PAPPA: variants seen among roughly 807,000 people sequenced by gnomAD.
PAPPA encodes the protein pappalysin 1, also known as pappalysin-1.
Under a neutral mutation model 164.0 loss-of-function variants are expected in PAPPA, and 60 were observed. The ratio of observed to expected loss-of-function variants is 0.37; its 90% confidence interval spans 0.30 to 0.45. PAPPA has a LOEUF of 0.45. Ranked by LOEUF, PAPPA falls within the 20% of genes least tolerant of loss-of-function variation. The pLI, the probability that PAPPA is intolerant of heterozygous loss-of-function variation, is 1.00. For synonymous variants in PAPPA, 875 were observed against 814.1 expected (o/e 1.07, Z -1.27); for missense variants, 1,782 against 2,087.3 (o/e 0.85, Z 2.85).
chr9:116,266,126 T>A (rs752449827), intron 8 of PAPPA, 141 bp downstream of exon 8: 5 of 651,940 alleles, frequency 7.7e-6, no homozygotes, highest in Non-Finnish European at 1.2e-5. Context: ...AGTCTCTGGA[T>A]TGGTCTCCAA....
At chr9:116,317,513 G>A (rs1387676129) in intron 10 of PAPPA, among the ~76,000 whole-genome samples, 1 of 152,210 alleles carries the variant, frequency 6.6e-6, no homozygotes, top group Non-Finnish European at 1.5e-5. Flanking sequence ...AGCAGAGAAA[G>A]CATTTGGATT....
rs190298354 is a variant in PAPPA, at chr9:116,389,322, G to A, written c.4776+6829G>A. ...TAATTTTTGTATTTTTAGTAGAGAC[G>A]GGGTTTCACCATATTGCTCAGGCTG... On this transcript the variant is annotated intron_variant, in intron 21 of 21. Coordinates refer to ENST00000328252, the MANE Select transcript of PAPPA (RefSeq NM_002581.5). Among the ~76,000 whole-genome samples, 202 of 151,994 alleles carry A rather than the reference G, an allele frequency of 1.3e-3. 1 individual carries two copies. The highest frequency in any genetic ancestry group is 4.8e-3 in the African/African-American group (199 of 41,470).
chr9:116,351,109 C>A (rs966398610), intron 15 of PAPPA, among the ~76,000 whole-genome samples: 3 of 152,178 alleles, frequency 2.0e-5, no homozygotes, highest in African/African-American at 7.2e-5. Context: ...TTCTGGCACA[C>A]TAAATAATAT....
chr9:116,201,311 TC>T (rs1844168480), intron 2 of PAPPA, among the ~76,000 whole-genome samples: 1 of 152,206 alleles, frequency 6.6e-6, no homozygotes, highest in African/African-American at 2.4e-5. Flanking sequence ...TTTCAAATGG[TC>T]TGGTGTGTTC....
chr9:116,315,247 C>A (rs1845773448), intron 10 of PAPPA, among the ~76,000 whole-genome samples: 1 of 152,166 alleles, frequency 6.6e-6, no homozygotes, highest in African/African-American at 2.4e-5. Context: ...ATAAGTGCTA[C>A]TGTGTGAATT....
At chr9:116,155,733 A>T (rs1828122828) in intron 1 of PAPPA, among the ~76,000 whole-genome samples, 1 of 152,046 alleles carries the variant, frequency 6.6e-6, no homozygotes, top group Non-Finnish European at 1.5e-5. Flanking sequence ...ACTTTCACAG[A>T]TGTAGCACTG....
intron 21 of PAPPA, among the ~76,000 whole-genome samples, chr9:116,388,101 T>A (rs1846840194): frequency 6.6e-6 from 1 of 152,128 alleles, no homozygotes; most frequent in South Asian, 2.1e-4. Context: ...AGACACCAGC[T>A]GTTCCCCACA....
intron 7 of PAPPA, among the ~76,000 whole-genome samples, chr9:116,261,068 C>T (rs1291611693): frequency 1.3e-5 from 2 of 152,158 alleles, no homozygotes; most frequent in Admixed American, 1.3e-4. Context: ...CGGCAAGTAG[C>T]TTAATCTTCC....
chr9:116,189,778 T>C (rs1844019717), intron 2 of PAPPA, among the ~76,000 whole-genome samples: 1 of 152,234 alleles, frequency 6.6e-6, no homozygotes, highest in Non-Finnish European at 1.5e-5. Context: ...TGCCGACCTC[T>C]GCAGGTTTTC....
intron 7 of PAPPA, among the ~76,000 whole-genome samples, chr9:116,255,901 A>G (rs754491924): frequency 6.6e-6 from 1 of 151,862 alleles, no homozygotes; most frequent in Non-Finnish European, 1.5e-5. Flanking sequence ...ATCTTTGCCT[A>G]GGATCTAAGT....
chr9:116,320,704 C>T (rs1195977794), intron 10 of PAPPA, among the ~76,000 whole-genome samples: 1 of 152,036 alleles, frequency 6.6e-6, no homozygotes, highest in Admixed American at 6.6e-5. Context: ...TCTCTTTTTT[C>T]TGCCATTGCT....
chr9:116,219,353 C>T (rs1844414110), intron 4 of PAPPA, among the ~76,000 whole-genome samples: 1 of 152,206 alleles, frequency 6.6e-6, no homozygotes, highest in African/African-American at 2.4e-5. Flanking sequence ...TTTCCATGCC[C>T]TTGGGCACAG....
rs62574259 is a variant in PAPPA, at chr9:116,291,599, G to A, written c.2954-11158G>A. 2.0e-4 allele frequency among the ~76,000 whole-genome samples: 30 copies of A among 151,956 alleles called. No individual in the cohort carries two copies. In the East Asian group the frequency reaches 2.7e-3, roughly 14 times the overall value. On this transcript the variant is annotated intron_variant, in intron 9 of 21. Coordinates refer to ENST00000328252, the MANE Select transcript of PAPPA (RefSeq NM_002581.5). ...GAGATTGACACTATCCTAAGTATTC[G>A]GGATATTAATTAAAGTAAGACAAGG...
At chr9:116,301,451 G>T (rs549548273) in intron 9 of PAPPA, among the ~76,000 whole-genome samples, 1 of 152,316 alleles carries the variant, frequency 6.6e-6, no homozygotes, top group African/African-American at 2.4e-5. Flanking sequence ...TAGAAAAGTT[G>T]GGAAAATAGC....
chr9:116,317,762 C>T (rs565442591), intron 10 of PAPPA, among the ~76,000 whole-genome samples: 5 of 152,206 alleles, frequency 3.3e-5, no homozygotes, highest in Admixed American at 2.6e-4. Flanking sequence ...GCTGGAAATG[C>T]CTCAGAATTT....
chr9:116,224,225 T>C (rs767389245), intron 5 of PAPPA, among the ~76,000 whole-genome samples: 1 of 152,204 alleles, frequency 6.6e-6, no homozygotes, highest in African/African-American at 2.4e-5. Context: ...GAATAAATAA[T>C]TCAAGGCCAC....
chr9:116,295,379 C>T (rs1262447279), intron 9 of PAPPA, among the ~76,000 whole-genome samples: 1 of 151,914 alleles, frequency 6.6e-6, no homozygotes, highest in East Asian at 1.9e-4. Context: ...CATGGTGAAA[C>T]CCCGTTTCTA....
In PAPPA at chr9:116,399,306, T is replaced by C. The variant is rs1275988102; in HGVS notation, c.*2690T>C. On this transcript the variant is annotated 3_prime_UTR_variant, in exon 22 of 22. Transcript: ENST00000328252. ...CTAACAAATTTATATTTGCCAAGGA[T>C]ATTAGGCAAAAGAGGCTACTTGATT... 1 of 152,644 alleles carries C rather than the reference T, an allele frequency of 6.6e-6. No individual in the cohort carries two copies. The highest frequency in any genetic ancestry group is 6.6e-5 in the Admixed American group (1 of 15,262). 9.5% of individuals were successfully genotyped at this position (152,644 alleles called of 1,614,324 possible). A position where few individuals can be genotyped will look rare whatever the true frequency, so the allele number is the denominator to read the frequency against.
At chr9:116,158,552 A>G (rs1355644223) in intron 1 of PAPPA, among the ~76,000 whole-genome samples, 1 of 152,218 alleles carries the variant, frequency 6.6e-6, no homozygotes, top group Non-Finnish European at 1.5e-5. Context: ...TACCTGTATC[A>G]TAGAGCTGTG....
Sources: allele counts gnomAD v4.1 joint callset (sites outside exome capture counted in the v4.1 genomes callset), GRCh38; gene constraint gnomAD v4.1.1; transcripts MANE v1.5; gene names NCBI Gene and HGNC (gene_info 2026-07-23, HGNC 2026-07-21).